USP37: variants seen among roughly 807,000 people sequenced by gnomAD.
USP37 encodes the protein ubiquitin carboxyl-terminal hydrolase 37.
In USP37, 27 loss-of-function variants were observed where a neutral mutation model predicts 124.0. The ratio of observed to expected loss-of-function variants is 0.22; its 90% CI spans 0.16 to 0.30. USP37 has a LOEUF of 0.30. USP37 is among the 10% of genes least tolerant of loss of function. The pLI, the probability that USP37 is intolerant of heterozygous loss-of-function variation, is 1.00. For missense variants in USP37, 889 were observed against 1,140.4 expected, an observed-to-expected ratio of 0.78 and a Z score of 3.17; for synonymous variants, 365 against 388.0, an observed-to-expected ratio of 0.94 and a Z score of 0.70.
intron 3 of USP37, 143 bp from the exon 4 acceptor site, chr2:218,558,820 A>G (rs1693164975): frequency 3.5e-6 from 2 of 571,686 alleles, no homozygotes; most frequent in African/African-American, 1.9e-5. Context: ...CCATGTGTCC[A>G]GTACTGTATT....
rs1482959461 is a variant in USP37 at position 218,463,297 on chromosome 2, T to G, written c.2527+9A>C. 6.2e-7 allele frequency: 1 copy of G among 1,613,108 alleles called. No individual in the cohort carries two copies. Among genetic ancestry groups the G allele is most frequent in the South Asian group, 1.1e-5 (1 of 91,058 alleles). On this transcript the variant is annotated intron_variant, in intron 22 of 25. Transcript: ENST00000258399. The stretch of plus-strand genomic sequence containing the variant: ...CATTAAAAAAATGTAATTAAAAAGA[T>G]CTCCACACCTTGAAGACTTAACTCG...
At chr2:218,530,897 T>C (rs1275872891) in intron 9 of USP37, among the ~76,000 whole-genome samples, 5 of 152,178 alleles carry the variant, frequency 3.3e-5, no homozygotes, top group African/African-American at 1.2e-4. Context: ...AAAGGTCTAG[T>C]CTAACTCTCT....
chr2:218,533,045 C>A (rs904995455), intron 9 of USP37, among the ~76,000 whole-genome samples: 9 of 151,756 alleles, frequency 5.9e-5, no homozygotes, highest in Admixed American at 5.3e-4. Flanking sequence ...CCAAAAAATT[C>A]ATTCTTGCTT....
At chr2:218,555,772 C>G (rs998393951) in intron 4 of USP37, among the ~76,000 whole-genome samples, 17 of 152,102 alleles carry the variant, frequency 1.1e-4, no homozygotes, top group African/African-American at 4.1e-4. Context: ...TGCTTGACAC[C>G]TCAGATAACT....
intron 13 of USP37, among the ~76,000 whole-genome samples, chr2:218,496,939 C>A (rs1689114253): frequency 6.6e-6 from 1 of 152,130 alleles, no homozygotes; most frequent in Admixed American, 6.5e-5. Context: ...GCATGAGCTA[C>A]CGCACCCAGC....
chr2:218,527,837 C>G (rs1574928647), intron 10 of USP37, among the ~76,000 whole-genome samples: 1 of 152,148 alleles, frequency 6.6e-6, no homozygotes, highest in African/African-American at 2.4e-5. Context: ...TATATAATAT[C>G]AAATTCTTTA....
chr2:218,496,914 G>A (rs958794904), intron 13 of USP37, among the ~76,000 whole-genome samples: 1 of 152,036 alleles, frequency 6.6e-6, no homozygotes, highest in Non-Finnish European at 1.5e-5. Flanking sequence ...GCCTCTCAAA[G>A]TGCTGGGATT....
At chr2:218,459,134 T>C (rs1396530342) in intron 23 of USP37, among the ~76,000 whole-genome samples, 1 of 152,014 alleles carries the variant, frequency 6.6e-6, no homozygotes, top group East Asian at 1.9e-4. Flanking sequence ...ATTCAATAGT[T>C]TTCAGTGAGG....
intron 10 of USP37, among the ~76,000 whole-genome samples, chr2:218,519,423 T>C (rs1019025729): frequency 2.8e-4 from 42 of 152,192 alleles, no homozygotes; most frequent in African/African-American, 8.4e-4. Context: ...AACCCTTCAG[T>C]ACACACTGAA....
chr2:218,528,796 T>A (rs1401072674), intron 10 of USP37: 4 of 37,366 alleles, frequency 1.1e-4, no homozygotes, highest in African/African-American at 1.9e-4. Flanking sequence ...TTATACCCAA[T>A]AAATCTGAAA....
rs546041687 is a variant in USP37, at chr2:218,454,116, A to G, written c.*814T>C. 6.5e-6 allele frequency: 1 copy of G among 152,778 alleles called. No individual in the cohort carries two copies. Among genetic ancestry groups the G allele is most frequent in the African/African-American group, 2.4e-5 (1 of 41,586 alleles). 9.5% of individuals were successfully genotyped at this position (152,778 alleles called of 1,614,324 possible). A position where few individuals can be genotyped will look rare whatever the true frequency, so the allele number is the denominator to read the frequency against. ...AAAAAGATTCTATCTTTACCACCAT[A>G]ATAATGATGATGATATATGATGAAC... On this transcript the variant is annotated 3_prime_UTR_variant, in exon 26 of 26. Transcript: ENST00000258399.
chr2:218,508,106 T>C (rs1406618260), intron 11 of USP37, among the ~76,000 whole-genome samples: 1 of 152,160 alleles, frequency 6.6e-6, no homozygotes, highest in Admixed American at 6.5e-5. Context: ...AGAAGGTAAC[T>C]TAAAGGTGGT....
chr2:218,524,235 G>A (rs6748665), intron 10 of USP37, among the ~76,000 whole-genome samples: 2,877 of 152,144 alleles, frequency 0.019, 95 homozygotes, highest in African/African-American at 0.065. Context: ...GCTGTTACAA[G>A]GTTTTATTAA....
At chr2:218,552,706 T>G (rs761273576) in intron 5 of USP37, among the ~76,000 whole-genome samples, 8 of 152,184 alleles carry the variant, frequency 5.3e-5, no homozygotes, top group Non-Finnish European at 1.2e-4. Flanking sequence ...AGGAACCTGA[T>G]CATACCATGT....
chr2:218,463,371 AG>A lies in USP37; in HGVS notation c.2467-6del, dbSNP rs1397012015. The A allele has an allele frequency of 6.2e-7, 1 of 1,613,924 alleles. No homozygotes were observed. The highest frequency in any genetic ancestry group is 1.1e-5 in the South Asian group (1 of 91,076). On this transcript the variant is annotated splice_region_variant and splice_polypyrimidine_tract_variant and intron_variant, in intron 21 of 25. Coordinates refer to ENST00000258399, the MANE Select transcript of USP37 (RefSeq NM_020935.3). ...TTCTTTCTGTTCCCAAGCCTCCTAA[AG>A]GGAAAAGAACAAAAACTAAGGTATT... is the stretch of plus-strand genomic sequence containing the variant.
intron 9 of USP37, among the ~76,000 whole-genome samples, chr2:218,531,633 G>A (rs1237497600): frequency 6.6e-6 from 1 of 152,216 alleles, no homozygotes; most frequent in Non-Finnish European, 1.5e-5. Context: ...CCCTCTGATG[G>A]AGCTAGGCAA....
intron 16 of USP37, among the ~76,000 whole-genome samples, chr2:218,483,934 A>C (rs1457993396): frequency 1.3e-5 from 2 of 152,284 alleles, no homozygotes; most frequent in Admixed American, 1.3e-4. Context: ...CGAGGCGGCC[A>C]CATCACCTGA....
intron 15 of USP37, among the ~76,000 whole-genome samples, chr2:218,486,891 A>T (rs1238285932): frequency 6.6e-6 from 1 of 151,804 alleles, no homozygotes; most frequent in South Asian, 2.1e-4. Context: ...ACGCCCAGCT[A>T]ATTTTTTTGT....
intron 20 of USP37, chr2:218,473,366 G>A (rs1690795436): frequency 6.6e-6 from 1 of 152,166 alleles, no homozygotes; most frequent in South Asian, 2.1e-4. Flanking sequence ...AATGATACTT[G>A]TATCAAGAAG....
Sources: gnomAD v4.1 joint callset for allele counts (sites outside exome capture counted in the v4.1 genomes callset) on GRCh38, gnomAD v4.1.1 for gene constraint, MANE v1.5 for transcripts, NCBI Gene and HGNC (gene_info 2026-07-23, HGNC 2026-07-21) for gene names.